The following WASF3 variants were observed in gnomAD, a reference collection of about 807,000 sequenced individuals.
WASF3 encodes WASP family member 3.
Under a neutral mutation model 46.6 loss-of-function variants are expected in WASF3, and 11 were observed. The observed-to-expected ratio is 0.24, with a 90% confidence interval of 0.15 to 0.39. WASF3 has a LOEUF of 0.39. WASF3 is among the 10% of genes least tolerant of loss of function. The pLI is 1.00. For synonymous variants in WASF3, 242 were observed against 259.7 expected (o/e 0.93, Z 0.65); for missense variants, 576 against 669.8 (o/e 0.86, Z 1.55).
Position 26,686,009 on chromosome 13 carries a change from T to A in WASF3, c.*164T>A. 1.2e-6 allele frequency: 1 copy of A among 867,632 alleles called. No individual in the cohort carries two copies. Among genetic ancestry groups the A allele is most frequent in the Non-Finnish European group, 1.7e-6 (1 of 588,606 alleles). 53.7% of individuals were successfully genotyped at this position (867,632 alleles called of 1,614,324 possible). On this transcript the variant is annotated 3_prime_UTR_variant, in exon 10 of 10. Coordinates refer to ENST00000335327, the MANE Select transcript of WASF3 (RefSeq NM_006646.6). ...AATTCTGGGTCTTTTCAGTATTTAC[T>A]GTGTAATACTTAAGTGCCACTAAAC...
chr13:26,566,826 G>C (rs999770873), intron 1 of WASF3, among the ~76,000 whole-genome samples: 11 of 152,188 alleles, frequency 7.2e-5, no homozygotes. Flanking sequence ...AGAGGTCATG[G>C]GGACTGGTAG....
intron 3 of WASF3, among the ~76,000 whole-genome samples, chr13:26,652,711 CAG>C (rs972990953): frequency 3.3e-5 from 5 of 152,018 alleles, no homozygotes; most frequent in African/African-American, 1.2e-4. Flanking sequence ...GAAAATCAAA[CAG>C]TATTTAAAAA....
rs199603100 is a variant in WASF3, at chr13:26,685,800, C to T, written c.1464C>T (p.Asp488=). The T allele has an allele frequency of 4.0e-5, 65 of 1,614,026 alleles. No individual in the cohort carries two copies. Among genetic ancestry groups the T allele is most frequent in the Non-Finnish European group, 5.3e-5 (63 of 1,179,974 alleles). ...GGCGCATTGCCGTGGAGTACAGCGA[C>T]TCTGACGACGACTCAGAGTTCGACG... ...LSRRIAVEYS[D]SDDDSEFDEN... Residue 488 remains aspartate, a synonymous_variant, in exon 10 of 10, where the codon GAC becomes GAT. Transcript: ENST00000335327.
intron 1 of WASF3, among the ~76,000 whole-genome samples, chr13:26,592,680 T>C (rs1880340725): frequency 6.6e-6 from 1 of 152,226 alleles, no homozygotes; most frequent in African/African-American, 2.4e-5. Context: ...ACATTAGGGT[T>C]GGGAGCTTCC....
chr13:26,546,726 TA>T, the WASF3 span, among the ~76,000 whole-genome samples: 3 of 152,018 alleles, frequency 2.0e-5, no homozygotes, highest in African/African-American at 4.8e-5. Flanking sequence ...TAAAATAAAA[TA>T]AAAAGTAAAA....
chr13:26,630,203 A>C (rs1402140886), intron 2 of WASF3, among the ~76,000 whole-genome samples: 1 of 152,086 alleles, frequency 6.6e-6, no homozygotes, highest in Non-Finnish European at 1.5e-5. Context: ...GTACATGTGC[A>C]CAACATGCAG....
chr13:26,617,158 C>T (rs985533558), intron 2 of WASF3, among the ~76,000 whole-genome samples: 1 of 152,014 alleles, frequency 6.6e-6, no homozygotes, highest in Non-Finnish European at 1.5e-5. Context: ...TATCAATTAA[C>T]ACTTGTTAAT....
chr13:26,570,281 T>G (rs1407278874), intron 1 of WASF3, among the ~76,000 whole-genome samples: 1 of 152,124 alleles, frequency 6.6e-6, no homozygotes, highest in African/African-American at 2.4e-5. Context: ...AGAGCAAAAC[T>G]GCGTCTCAAA....
intron 1 of WASF3, among the ~76,000 whole-genome samples, chr13:26,584,088 A>C (rs1044588599): frequency 6.6e-6 from 1 of 152,188 alleles, no homozygotes; most frequent in Non-Finnish European, 1.5e-5. Context: ...GTTTTGCAGG[A>C]TTATGGAGAT....
chr13:26,663,635 C>T (rs561932361), intron 3 of WASF3, among the ~76,000 whole-genome samples: 1 of 152,258 alleles, frequency 6.6e-6, no homozygotes, highest in South Asian at 2.1e-4. Flanking sequence ...AGGAATTCTT[C>T]TTGTTAAAAC....
intron 1 of WASF3, among the ~76,000 whole-genome samples, chr13:26,561,599 A>G (rs539173838): frequency 1.3e-4 from 20 of 152,330 alleles, no homozygotes; most frequent in Admixed American, 8.5e-4. Context: ...GACTGTCTCA[A>G]ACAGTTTGAG....
At chr13:26,541,410 C>A in the WASF3 span, among the ~76,000 whole-genome samples, 1 of 152,174 alleles carries the variant, frequency 6.6e-6, no homozygotes, top group African/African-American at 2.4e-5. Context: ...TTTTTCTGAA[C>A]TGAAAATGAG....
At chr13:26,625,717 T>C (rs1881444941) in intron 2 of WASF3, among the ~76,000 whole-genome samples, 1 of 152,170 alleles carries the variant, frequency 6.6e-6, no homozygotes, top group South Asian at 2.1e-4. Context: ...GAGATAATGT[T>C]TCAGCAGCTC....
rs1881349142 is a variant in WASF3, at chr13:26,622,836, T to C, written c.-11+9778T>C. 3 of 152,206 alleles carry C rather than the reference T, an allele frequency of 2.0e-5. No homozygotes were observed. The South Asian group carries it at 6.2e-4, about 31-fold the overall frequency. The allele number at this position is 152,206 out of a possible 1,614,324, so 9.4% of individuals were successfully genotyped here. Reference sequence around the variant, plus strand: ...TTTGTGAAAATAGTTATCAGCTCAATGTCTTAACAAAAGAAGAAGCTGATA... The same window carrying C: ...TTTGTGAAAATAGTTATCAGCTCAACGTCTTAACAAAAGAAGAAGCTGATA... On this transcript the variant is annotated intron_variant, in intron 2 of 9. Transcript: ENST00000335327.
At position 26,636,958 on chromosome 13, in the gene WASF3, C is replaced by T. The variant is rs1057310172; in HGVS notation, c.-10-5303C>T. On this transcript the variant is annotated intron_variant, in intron 2 of 9. Coordinates refer to ENST00000335327, the MANE Select transcript of WASF3 (RefSeq NM_006646.6). ...CTGAGCACTGGGTCCCTCAGAACTT[C>T]ACCGCAGTTGCCAGACCCTGAATCT... Among the ~76,000 whole-genome samples the T allele has an allele frequency of 3.3e-5, 5 of 152,206 alleles. No homozygotes were observed. In the South Asian group the frequency reaches 8.3e-4, roughly 25 times the overall value.
Position 26,682,150 on chromosome 13 carries a change from C to T in WASF3, c.984-457C>T, listed in dbSNP as rs1200846485. The stretch of plus-strand genomic sequence containing the variant: ...TTCTTGGCTGTGTGACTTTTCGAAG[C>T]TTTTGATACACACCTGGGCACTGCA... On this transcript the variant is annotated intron_variant, in intron 8 of 9. Transcript: ENST00000335327. This position sits in a 1 kb window ranked among gnomAD's most constrained non-coding sequence, Gnocchi z 4.4. Among the ~76,000 whole-genome samples, 1 of 152,206 alleles carries T rather than the reference C, an allele frequency of 6.6e-6. No homozygotes were observed. The highest frequency in any genetic ancestry group is 1.9e-4 in the East Asian group (1 of 5,188).
the WASF3 span, among the ~76,000 whole-genome samples, chr13:26,546,667 G>A: frequency 6.6e-6 from 1 of 152,180 alleles, no homozygotes; most frequent in African/African-American, 2.4e-5. Flanking sequence ...AGCCGAGATC[G>A]CGGCACTGCA....
At chr13:26,678,281 G>T (rs1380538387) in intron 7 of WASF3, among the ~76,000 whole-genome samples, 1 of 151,682 alleles carries the variant, frequency 6.6e-6, no homozygotes, top group Non-Finnish European at 1.5e-5. Flanking sequence ...TTACTACAGT[G>T]TGTCACTTTT....
intron 1 of WASF3, among the ~76,000 whole-genome samples, chr13:26,586,253 C>T (rs536397996): frequency 4.6e-5 from 7 of 151,520 alleles, no homozygotes; most frequent in East Asian, 1.9e-4. Context: ...TGTTTCTTTT[C>T]GCTCTTTATT....
Sources: gnomAD v4.1 joint callset for allele counts (sites outside exome capture counted in the v4.1 genomes callset) on GRCh38, gnomAD v4.1.1 for gene constraint, Gnocchi (gnomAD v3.1) non-coding constraint, MANE v1.5 for transcripts, NCBI Gene and HGNC (gene_info 2026-07-23, HGNC 2026-07-21) for gene names.